The following ABCB6 variants were observed in gnomAD, a reference collection of about 807,000 sequenced individuals.
ABCB6 encodes the protein ATP binding cassette subfamily B member 6 (LAN blood group).
A neutral mutation model predicts 99.4 loss-of-function variants in ABCB6; 87 were observed. That is an observed-to-expected ratio of 0.88 (90% CI 0.74 to 1.05). The LOEUF is 1.05. Among genes scored for constraint, ABCB6 ranks in the 50% least tolerant of loss-of-function variants. The pLI is 0.00. For synonymous variants in ABCB6, 482 were observed against 447.5 expected (o/e 1.08, Z -0.97); for missense variants, 1,050 against 1,097.9 (o/e 0.96, Z 0.62).
intron 5 of ABCB6, 119 bp from the exon 6 acceptor site, chr2:219,215,201 T>A: frequency 7.7e-7 from 1 of 1,302,834 alleles, no homozygotes; most frequent in Non-Finnish European, 1.1e-6. Flanking sequence ...CAGTCTTAAT[T>A]AATTCTACCC....
At chr2:219,213,147 C>G (rs750467585) in intron 12 of ABCB6, 82 bp from the exon 13 acceptor site, 1 of 1,604,566 alleles carries the variant, frequency 6.2e-7, no homozygotes, top group Non-Finnish European at 8.5e-7. Flanking sequence ...CCTGCCCAGG[C>G]TCTTTTCCAA....
rs758812992 is a variant in ABCB6 at position 219,213,071 on chromosome 2, A to G, written c.1806-6T>C. ...CGTCCTGCAGAGTCTCCCGCCTGCAAGGAAAGGTGGGGTTGCTCAGCAGGC... is the reference window on the plus strand; with the variant it reads ...CGTCCTGCAGAGTCTCCCGCCTGCAGGGAAAGGTGGGGTTGCTCAGCAGGC... On this transcript the variant is annotated splice_region_variant and splice_polypyrimidine_tract_variant and intron_variant, in intron 12 of 18. Transcript: ENST00000265316. The G allele has an allele frequency of 1.9e-6, 3 of 1,613,806 alleles. No individual in the cohort carries two copies. Among genetic ancestry groups the G allele is most frequent in the Non-Finnish European group, 2.5e-6 (3 of 1,179,830 alleles).
rs1195855587 is a variant in ABCB6 at position 219,210,577 on chromosome 2, T to C, written c.2257-102A>G. The C allele has an allele frequency of 5.0e-6, 8 of 1,586,598 alleles. No individual in the cohort carries two copies. The South Asian group carries it at 6.8e-5, about 13-fold the overall frequency. On this transcript the variant is annotated intron_variant, in intron 16 of 18. Coordinates refer to ENST00000265316, the MANE Select transcript of ABCB6 (RefSeq NM_005689.4). ...CCTCAAGAATACACAAGAGCCTTGT[T>C]TGGGCTTGAGAACTGGAAAGTGTGT...
Position 219,216,509 on chromosome 2 carries a change from T to C in ABCB6, c.869-44A>G, listed in dbSNP as rs1391663419. ...AGAACCCACTTATGGCGCCCAGGAC[T>C]CTCTTCAGGCAAAATGGCCCCAGGT... On this transcript the variant is annotated intron_variant, in intron 3 of 18. Transcript: ENST00000265316. This position sits in a 1 kb window ranked among gnomAD's most constrained non-coding sequence, Gnocchi z 4.2. The C allele has an allele frequency of 6.3e-7, 1 of 1,596,380 alleles. No individual in the cohort carries two copies. The highest frequency in any genetic ancestry group is 1.1e-5 in the South Asian group (1 of 90,128).
At position 219,212,481 on chromosome 2, in the gene ABCB6, G is replaced by T. The variant is rs201050758; in HGVS notation, c.1874C>A (p.Ser625Tyr). 7 of 1,613,802 alleles carry T rather than the reference G, an allele frequency of 4.3e-6. No homozygotes were observed. Among genetic ancestry groups the T allele is most frequent in the African/African-American group, 1.3e-5 (1 of 75,028 alleles). Residue 625 changes from serine to tyrosine, a missense_variant, in exon 14 of 19, where the codon TCT becomes TAT. Physicochemically the swap from Ser to Tyr is moderately radical, Grantham distance 144 (BLOSUM62 -2). Coordinates refer to ENST00000265316, the MANE Select transcript of ABCB6 (RefSeq NM_005689.4). The stretch of plus-strand genomic sequence containing the variant: ...CAAAATTGTGCTCTTCCCTGCCCCA[G>T]ATGGGCCCACCTGTTGCATTGGAAA... Reference protein sequence around the residue: ...PGQTLALVGPSGAGKSTILRL... With the variant: ...PGQTLALVGPYGAGKSTILRL...
intron 7 of ABCB6, 52 bp from the exon 8 acceptor site, chr2:219,214,238 G>A (rs374375610): frequency 4.1e-5 from 65 of 1,572,584 alleles, no homozygotes; most frequent in South Asian, 3.1e-4. Context: ...CATGGCACTC[G>A]GGTCATTCCC....
rs142256852 is a variant in ABCB6 at position 219,217,698 on chromosome 2, T to A, written c.659A>T (p.Glu220Val). The change falls in exon 2 of 19, where the codon GAA becomes GTA. Residue 220 changes from glutamate (E) to valine (V), a missense_variant. Physicochemically the swap from Glu to Val is moderately radical, Grantham distance 121 (BLOSUM62 -2). Transcript: ENST00000265316. ...RPQSYTLQVH[E>V]EDQDVERSQV... ...GCTCCTTTCCACATCTTGGTCCTCT[T>A]CATGAACCTGCAATGTATAGGACTG... 501 of 1,612,534 alleles carry A rather than the reference T, an allele frequency of 3.1e-4. No individual in the cohort carries two copies. The highest frequency in any genetic ancestry group is 4.1e-4 in the Non-Finnish European group (482 of 1,179,576).
rs570885266 is a variant in ABCB6, at chr2:219,215,425, T to C, written c.1155-343A>G. ...TATTAGTTCTGTGAGTCTGCATATA[T>C]AATATGTATGTAAAAATGCAAAAAA... On this transcript the variant is annotated intron_variant, in intron 5 of 18. Transcript: ENST00000265316. The C allele has an allele frequency of 4.6e-5, 11 of 241,280 alleles. No individual in the cohort carries two copies. In the South Asian group the frequency reaches 5.9e-4, roughly 13 times the overall value. The allele number at this position is 241,280 out of a possible 1,614,324, so 14.9% of individuals were successfully genotyped here.
rs1340408709 is a variant in ABCB6, at chr2:219,216,372, C to T, written c.962G>A (p.Gly321Asp). ...FLKFLQGGGT[G>D]STGFVSNLRT... Reference sequence around the variant, plus strand: ...GGCGGAGTCTCTCATACCTGTACTGCCAGTGCCACCCCCCTGGAGGAACTT... The same window carrying T: ...GGCGGAGTCTCTCATACCTGTACTGTCAGTGCCACCCCCCTGGAGGAACTT... The change falls in exon 4 of 19, where the codon GGC becomes GAC. Residue 321 changes from glycine (G) to aspartate (D), a missense_variant. Physicochemically the swap from Gly to Asp is moderately conservative, Grantham distance 94 (BLOSUM62 -1). Transcript: ENST00000265316. The surrounding 1 kb of genome is among the most constrained non-coding windows in gnomAD (Gnocchi z 4.2). 1.4e-5 allele frequency: 23 copies of T among 1,613,820 alleles called. No individual in the cohort carries two copies. Among genetic ancestry groups the T allele is most frequent in the Non-Finnish European group, 1.9e-5 (22 of 1,179,842 alleles).
At chr2:219,215,171 T>C in intron 5 of ABCB6, 89 bp from the exon 6 acceptor site, 1 of 1,543,688 alleles carries the variant, frequency 6.5e-7, no homozygotes, top group African/African-American at 1.4e-5. Flanking sequence ...GTGTTTTATT[T>C]TCAAGCAACA....
In ABCB6 at chr2:219,213,897, G is replaced by A; in HGVS notation, c.1507C>T (p.Leu503=). 6.2e-7 allele frequency: 1 copy of A among 1,614,156 alleles called. No homozygotes were observed. The highest frequency in any genetic ancestry group is 1.1e-5 in the South Asian group (1 of 91,078). The change falls in exon 9 of 19, where the codon CTG becomes TTG. Residue 503 remains leucine (L), a synonymous_variant. Transcript: ENST00000265316. ...GCGAGGAGCCCGAGCCCAATCACCA[G>A]GTTCTGGGTCTGATTTAGTAAAACC... ...SLVLLNQTQN[L]VIGLGLLAGS... is the part of the protein sequence containing the mutation.
chr2:219,215,448 A>C, intron 5 of ABCB6: 1 of 209,190 alleles, frequency 4.8e-6, no homozygotes, highest in Non-Finnish European at 9.7e-6. Context: ...AAAATGCAAA[A>C]AAGCAGAACC....
intron 8 of ABCB6, 75 bp from the exon 9 acceptor site, chr2:219,214,026 C>G (rs1297765399): frequency 6.2e-7 from 1 of 1,612,342 alleles, no homozygotes; most frequent in Admixed American, 1.7e-5. Flanking sequence ...GGGCCCAGGC[C>G]CCTTCTACCC....
At chr2:219,210,068 G>A (rs1022681189) in intron 18 of ABCB6, 22 bp from the exon 19 acceptor site, 1 of 1,610,388 alleles carries the variant, frequency 6.2e-7, no homozygotes, top group Non-Finnish European at 8.5e-7. Context: ...AGAAAAGTGT[G>A]AGTCCTAACC....
chr2:219,213,964 A>T lies in ABCB6; in HGVS notation c.1453-13T>A, dbSNP rs762871169. ...TCCACTCCAAACCCTGAGGGCAATA[A>T]CACAGGAAGAGGAATGTCCTATACA... On this transcript the variant is annotated splice_polypyrimidine_tract_variant and intron_variant, in intron 8 of 18. Transcript: ENST00000265316. 3.1e-6 allele frequency: 5 copies of T among 1,613,852 alleles called. No individual in the cohort carries two copies. In the African/African-American group the frequency reaches 4.0e-5, roughly 13 times the overall value.
At chr2:219,213,217 A>C in intron 12 of ABCB6, 24 bp downstream of exon 12, 1 of 1,613,464 alleles carries the variant, frequency 6.2e-7, no homozygotes, top group Non-Finnish European at 8.5e-7. Context: ...CGGAAAAGCA[A>C]AGGAAGCAAA....
At chr2:219,210,089 C>A (rs1950556286) in intron 18 of ABCB6, 43 bp from the exon 19 acceptor site, 1 of 1,605,024 alleles carries the variant, frequency 6.2e-7, no homozygotes, top group East Asian at 2.2e-5. Context: ...ATTAGTTTTA[C>A]CCCGAGGGTC....
Position 219,216,890 on chromosome 2 carries a change from G to A in ABCB6, c.688-58C>T. On this transcript the variant is annotated intron_variant, in intron 2 of 18. Transcript: ENST00000265316. This position sits in a 1 kb window ranked among gnomAD's most constrained non-coding sequence, Gnocchi z 4.2. ...AGAAATCAAGTAAGTGCACTAGCCA[G>A]AAACCCTTCAGGGAAAAACCTATGG... 3 of 1,496,594 alleles carry A rather than the reference G, an allele frequency of 2.0e-6. No homozygotes were observed. Among genetic ancestry groups the A allele is most frequent in the Non-Finnish European group, 2.7e-6 (3 of 1,113,050 alleles). 92.7% of individuals were successfully genotyped at this position (1,496,594 alleles called of 1,614,324 possible). A position where few individuals can be genotyped will look rare whatever the true frequency, so the allele number is the denominator to read the frequency against.
In ABCB6 at chr2:219,218,169, T is replaced by C; in HGVS notation, c.505A>G (p.Asn169Asp). 1 of 1,613,608 alleles carries C rather than the reference T, an allele frequency of 6.2e-7. No individual in the cohort carries two copies. Among genetic ancestry groups the C allele is most frequent in the Non-Finnish European group, 8.5e-7 (1 of 1,179,930 alleles). The change falls in exon 1 of 19, where the codon AAC (asparagine) becomes GAC (aspartate). Residue 169 changes from asparagine (N) to aspartate (D), a missense_variant. Coordinates refer to ENST00000265316, the MANE Select transcript of ABCB6 (RefSeq NM_005689.4). ...AAENLALVSW[N>D]SPQWWWARAD... ...CTTGCCCACCACCACTGTGGGCTGT[T>C]CCAAGACACCAGGGCCAAGTTCTCA...
Sources: gnomAD v4.1 joint callset for allele counts on GRCh38, gnomAD v4.1.1 for gene constraint, Gnocchi (gnomAD v3.1) non-coding constraint, MANE v1.5 for transcripts, NCBI Gene and HGNC (gene_info 2026-07-23, HGNC 2026-07-21) for gene names.